CADPS2: variants seen among roughly 807,000 people sequenced by gnomAD.
CADPS2 encodes calcium-dependent secretion activator 2.
In CADPS2, 93 loss-of-function variants were observed where a neutral mutation model predicts 172.5. That is an observed-to-expected ratio of 0.54 (90% confidence interval 0.46 to 0.64). The LOEUF (loss-of-function observed/expected upper bound fraction) is 0.64. Among genes scored for constraint, CADPS2 ranks in the 30% least tolerant of loss-of-function variants. The probability of loss-of-function intolerance (pLI) is 0.00; values close to 1 mark genes in which losing one functional copy is unlikely to be tolerated. For missense variants in CADPS2, 1,420 were observed against 1,565.9 expected (o/e 0.91, Z 1.57); for synonymous variants, 546 against 555.2 (o/e 0.98, Z 0.23).
intron 3 of CADPS2, among the ~76,000 whole-genome samples, chr7:122,636,500 C>T (rs2077081645): frequency 7.9e-6 from 1 of 126,714 alleles, no homozygotes; most frequent in African/African-American, 3.0e-5. Flanking sequence ...GAGTCTCACT[C>T]TGTTGCCCAG....
At chr7:122,443,296 C>T (rs1342894090) in intron 15 of CADPS2, among the ~76,000 whole-genome samples, 2 of 152,154 alleles carry the variant, frequency 1.3e-5, no homozygotes, top group Non-Finnish European at 2.9e-5. Flanking sequence ...CAGAAAATAA[C>T]TACATAGAAG....
intron 27 of CADPS2, among the ~76,000 whole-genome samples, chr7:122,353,569 G>C (rs1001362983): frequency 6.6e-6 from 1 of 152,150 alleles, no homozygotes; most frequent in Non-Finnish European, 1.5e-5. Flanking sequence ...GGTATGCAGC[G>C]TGTGTGATAA....
chr7:122,769,563 C>T (rs1209100957), intron 1 of CADPS2, among the ~76,000 whole-genome samples: 2 of 152,194 alleles, frequency 1.3e-5, no homozygotes, highest in African/African-American at 4.8e-5. Context: ...CTAAATCATG[C>T]TATACACAGA....
intron 7 of CADPS2, among the ~76,000 whole-genome samples, chr7:122,570,140 A>G (rs996553274): frequency 6.7e-6 from 1 of 149,664 alleles, no homozygotes; most frequent in African/African-American, 2.5e-5. Flanking sequence ...TCATCTGACG[A>G]AGGGCTAATA....
At chr7:122,629,993 T>C (rs1166837344) in intron 3 of CADPS2, among the ~76,000 whole-genome samples, 1 of 152,172 alleles carries the variant, frequency 6.6e-6, no homozygotes, top group African/African-American at 2.4e-5. Flanking sequence ...CATGAACTAA[T>C]CCTTAACTTT....
At chr7:122,457,055 G>A (rs565384129) in intron 14 of CADPS2, among the ~76,000 whole-genome samples, 13 of 152,264 alleles carry the variant, frequency 8.5e-5, no homozygotes, top group Non-Finnish European at 1.5e-4. Flanking sequence ...AGGAATGAGA[G>A]GAGTAAACAG....
rs139748837 is a variant in CADPS2, at chr7:122,319,950, A to AAAAC, written c.*211_*214dup. On this transcript the variant is annotated 3_prime_UTR_variant, in exon 30 of 30. Coordinates refer to ENST00000449022, the MANE Select transcript of CADPS2 (RefSeq NM_017954.11). ...ACAAAAGAGGATGCTCTTCTCCAAA[A>AAAAC]AAACAAACAAACAAACAAACAAAAA... The AAAAC allele has an allele frequency of 2.6e-5, 11 of 418,720 alleles. No individual in the cohort carries two copies. Among genetic ancestry groups the AAAAC allele is most frequent in the African/African-American group, 6.2e-5 (3 of 48,540 alleles). The allele number at this position is 418,720 out of a possible 1,614,324, so 25.9% of individuals were successfully genotyped here.
rs1334536052 is a variant in CADPS2, at chr7:122,663,386, C to G, written c.637G>C (p.Gly213Arg). The change falls in exon 3 of 30, where the codon GGT becomes CGT. Residue 213 changes from glycine to arginine, a missense_variant. Physicochemically the swap from Gly to Arg is moderately radical, Grantham distance 125. Coordinates refer to ENST00000449022, the MANE Select transcript of CADPS2 (RefSeq NM_017954.11). ...GGCTGTTTGCACAAGTCCTCTTCAC[C>G]TCTGTAAATGGCATCATATTTGGCT... ...WIAKYDAIYR[G>R]EEDLCKQPNR... is the part of the protein sequence containing the mutation. 6.2e-7 allele frequency: 1 copy of G among 1,613,940 alleles called. No homozygotes were observed.
chr7:122,525,043 G>T (rs2061101467), intron 8 of CADPS2, among the ~76,000 whole-genome samples: 1 of 152,042 alleles, frequency 6.6e-6, no homozygotes, highest in Non-Finnish European at 1.5e-5. Context: ...GGAGGCTGAG[G>T]TGGGAGGAAT....
At chr7:122,676,918 TATCC>T (rs1256278166) in intron 2 of CADPS2, 1 of 442,414 alleles carries the variant, frequency 2.3e-6, no homozygotes. Flanking sequence ...CCAGGCTTTT[TATCC>T]ATCCAAGTCT....
chr7:122,435,193 G>A (rs1228228142), intron 17 of CADPS2, among the ~76,000 whole-genome samples: 1 of 151,956 alleles, frequency 6.6e-6, no homozygotes, highest in African/African-American at 2.4e-5. Context: ...CAACAGCAAT[G>A]GAAACAACAA....
chr7:122,653,913 C>A (rs925888114), intron 3 of CADPS2, among the ~76,000 whole-genome samples: 11 of 152,264 alleles, frequency 7.2e-5, no homozygotes, highest in African/African-American at 2.6e-4. Flanking sequence ...CCTGCCTATT[C>A]CCTAAAACAC....
At position 122,734,364 on chromosome 7, in the gene CADPS2, AAAAAAAAAAAAAAAAAAAAAAAG is replaced by A. The variant is rs2091955817; in HGVS notation, c.453+2568_453+2590del. ...TAGCATGCCAGAAATAGTAAAAAAAAAAAAAAAAAAAAAAAAAAAAAAGAAAAAAAAAAAAGAAAATCTGGATT... is the reference window on the plus strand; with the variant it reads ...TAGCATGCCAGAAATAGTAAAAAAAAAAAAAAAAAAAAGAAAATCTGGATT... On this transcript the variant is annotated intron_variant, in intron 2 of 29. Transcript: ENST00000449022. Among the ~76,000 whole-genome samples, 6 of 87,526 alleles carry A rather than the reference AAAAAAAAAAAAAAAAAAAAAAAG, an allele frequency of 6.9e-5. No homozygotes were observed. The East Asian group carries it at 1.1e-3, about 17-fold the overall frequency. The allele number at this position is 87,526 out of a possible 152,430, so 57.4% of individuals were successfully genotyped here.
rs559805156 is a variant in CADPS2, at chr7:122,406,058, T to G, written c.2746+1482A>C. Among the ~76,000 whole-genome samples the G allele has an allele frequency of 2.5e-4, 38 of 152,292 alleles. No individual in the cohort carries two copies. In the Middle Eastern group the frequency reaches 0.01, roughly 41 times the overall value. On this transcript the variant is annotated intron_variant, in intron 20 of 29. Coordinates refer to ENST00000449022, the MANE Select transcript of CADPS2 (RefSeq NM_017954.11). ...CCAAAGCTCATGTTGTTAATTACTC[T>G]AACATGATGCCTCCCTTACTAGAAC... is the stretch of plus-strand genomic sequence containing the variant.
At chr7:122,367,557 T>TTTTTG (rs1394233342) in intron 25 of CADPS2, among the ~76,000 whole-genome samples, 1 of 135,432 alleles carries the variant, frequency 7.4e-6, no homozygotes, top group African/African-American at 2.6e-5. Flanking sequence ...TTTTTTTTTT[T>TTTTTG]TTTTTTTAAG....
chr7:122,736,272 C>T (rs777003013), intron 2 of CADPS2, among the ~76,000 whole-genome samples: 2 of 152,110 alleles, frequency 1.3e-5, no homozygotes, highest in Admixed American at 6.6e-5. Flanking sequence ...AATATATATT[C>T]GCATATTATG....
At chr7:122,704,311 A>AGCAT (rs2086641369) in intron 2 of CADPS2, among the ~76,000 whole-genome samples, 1 of 151,904 alleles carries the variant, frequency 6.6e-6, no homozygotes, top group Non-Finnish European at 1.5e-5. Flanking sequence ...ATTCTGTTGA[A>AGCAT]GCATGATTCA....
chr7:122,683,200 G>A (rs1445419623), intron 2 of CADPS2, among the ~76,000 whole-genome samples: 2 of 152,184 alleles, frequency 1.3e-5, no homozygotes, highest in Admixed American at 6.5e-5. Flanking sequence ...CTGAAGCCAC[G>A]CTGTCTGAAG....
intron 8 of CADPS2, among the ~76,000 whole-genome samples, chr7:122,549,276 C>T (rs537674759): frequency 6.6e-6 from 1 of 152,200 alleles, no homozygotes; most frequent in East Asian, 1.9e-4. Flanking sequence ...TAAACCTAAA[C>T]AGCTAACTCA....
Sources: gnomAD v4.1 joint callset for allele counts (sites outside exome capture counted in the v4.1 genomes callset) on GRCh38, gnomAD v4.1.1 for gene constraint, MANE v1.5 for transcripts, NCBI Gene and HGNC (gene_info 2026-07-23, HGNC 2026-07-21) for gene names.